Variants in FBXL17 observed in about 807,000 individuals in gnomAD.
The protein encoded by FBXL17 is F-box/LRR-repeat protein 17.
Under a neutral mutation model 66.2 loss-of-function variants are expected in FBXL17, and 22 were observed. That is an observed-to-expected ratio of 0.33 (90% CI 0.24 to 0.47). FBXL17 has a LOEUF of 0.47. FBXL17 is among the 20% of genes least tolerant of loss of function. The pLI is 1.00. For synonymous variants in FBXL17, 474 were observed against 400.5 expected, an observed-to-expected ratio of 1.18 and a Z score of -2.19; for missense variants, 878 against 948.2, an observed-to-expected ratio of 0.93 and a Z score of 0.97.
At chr5:107,874,838 T>C (rs1280343829) in intron 8 of FBXL17, among the ~76,000 whole-genome samples, 1 of 152,196 alleles carries the variant, frequency 6.6e-6, no homozygotes, top group Non-Finnish European at 1.5e-5. Context: ...AAAATGTGTT[T>C]TAAAGTGCTC....
At chr5:108,121,951 C>T (rs1052344348) in intron 6 of FBXL17, among the ~76,000 whole-genome samples, 1 of 152,090 alleles carries the variant, frequency 6.6e-6, no homozygotes, top group African/African-American at 2.4e-5. Flanking sequence ...AACATCTACT[C>T]CAACCCCAAA....
chr5:108,111,810 G>A (rs1750046844), intron 6 of FBXL17, among the ~76,000 whole-genome samples: 1 of 152,124 alleles, frequency 6.6e-6, no homozygotes. Context: ...TTTACAAATG[G>A]ATTGATTACT....
At chr5:108,262,597 G>A (rs1485726311) in intron 4 of FBXL17, among the ~76,000 whole-genome samples, 2 of 152,104 alleles carry the variant, frequency 1.3e-5, no homozygotes, top group South Asian at 4.1e-4. Context: ...ATAGCAAATA[G>A]GAAGAGTGTA....
At chr5:108,025,456 G>A (rs888275381) in intron 6 of FBXL17, among the ~76,000 whole-genome samples, 5 of 152,044 alleles carry the variant, frequency 3.3e-5, no homozygotes, top group Admixed American at 6.5e-5. Flanking sequence ...GAAGAGTGTC[G>A]TAAAGTAATT....
chr5:108,163,388 CT>C (rs35783752), intron 6 of FBXL17, among the ~76,000 whole-genome samples: 87 of 128,020 alleles, frequency 6.8e-4, no homozygotes, highest in East Asian at 5.6e-3. Context: ...GACATGAAAA[CT>C]TTTTTTTTTC....
chr5:107,877,123 C>A (rs1322036577), intron 8 of FBXL17, among the ~76,000 whole-genome samples: 2 of 152,220 alleles, frequency 1.3e-5, no homozygotes, highest in Admixed American at 6.5e-5. Flanking sequence ...GTGGCGTCAG[C>A]TCCAAAACCC....
At chr5:107,889,163 A>T (rs1749110475) in intron 7 of FBXL17, among the ~76,000 whole-genome samples, 1 of 152,174 alleles carries the variant, frequency 6.6e-6, no homozygotes, top group African/African-American at 2.4e-5. Context: ...CCCTTGTAAT[A>T]CTTAGTAGAT....
At chr5:108,205,939 T>C (rs576261835) in intron 5 of FBXL17, among the ~76,000 whole-genome samples, 1 of 152,214 alleles carries the variant, frequency 6.6e-6, no homozygotes, top group East Asian at 1.9e-4. Context: ...ACTATATAAA[T>C]GATGCTGTGT....
At chr5:108,298,399 T>G in intron 4 of FBXL17, 1 of 980,462 alleles carries the variant, frequency 1.0e-6, no homozygotes, top group South Asian at 4.7e-5. Context: ...TCAAAGAAGA[T>G]CAATAAATCA....
chr5:107,925,873 T>C (rs1750508489), intron 7 of FBXL17, among the ~76,000 whole-genome samples: 1 of 152,202 alleles, frequency 6.6e-6, no homozygotes, highest in South Asian at 2.1e-4. Flanking sequence ...AATATCTTAA[T>C]ATGCAAACAG....
At chr5:108,019,011 T>C (rs1236288359) in intron 7 of FBXL17, among the ~76,000 whole-genome samples, 1 of 152,120 alleles carries the variant, frequency 6.6e-6, no homozygotes, top group African/African-American at 2.4e-5. Flanking sequence ...GTAAACCATA[T>C]TGGTAAGGTT....
In FBXL17 at chr5:108,160,195, G is replaced by A. The variant is rs1752154571; in HGVS notation, c.1745+25922C>T. On this transcript the variant is annotated intron_variant, in intron 6 of 8. Transcript: ENST00000542267. ...ATGAAAAGACATACAGTTAATATAG[G>A]TTGCTTGCAATAATCTCTTCTCTGC... Among the ~76,000 whole-genome samples, 4 of 152,104 alleles carry A rather than the reference G, an allele frequency of 2.6e-5. No individual in the cohort carries two copies. In the South Asian group the frequency reaches 8.3e-4, roughly 32 times the overall value.
intron 7 of FBXL17, among the ~76,000 whole-genome samples, chr5:107,931,397 C>G (rs1750734270): frequency 6.6e-6 from 1 of 151,496 alleles, no homozygotes; most frequent in African/African-American, 2.4e-5. Context: ...GTAGCTGGAA[C>G]TACAGGTGTG....
chr5:107,876,584 G>C (rs1748620437), intron 8 of FBXL17, among the ~76,000 whole-genome samples: 1 of 152,152 alleles, frequency 6.6e-6, no homozygotes, highest in African/African-American at 2.4e-5. Context: ...CCTGCCTCCA[G>C]TGAGGGCTGT....
chr5:108,299,678 C>T, intron 4 of FBXL17: 2 of 984,000 alleles, frequency 2.0e-6, no homozygotes, highest in Middle Eastern at 5.2e-4. Flanking sequence ...GCCAGCCTGC[C>T]CCTGTTCATG....
At chr5:108,178,023 G>A (rs1451147080) in intron 6 of FBXL17, among the ~76,000 whole-genome samples, 1 of 150,722 alleles carries the variant, frequency 6.6e-6, no homozygotes. Context: ...AAAAGGCATG[G>A]TTTCGTATCT....
chr5:108,077,099 T>C (rs1182859391), intron 6 of FBXL17, among the ~76,000 whole-genome samples: 1 of 152,154 alleles, frequency 6.6e-6, no homozygotes, highest in Non-Finnish European at 1.5e-5. Context: ...ACCCAATTCA[T>C]ACAGGTATTG....
chr5:108,348,260 T>C, intron 4 of FBXL17, 139 bp downstream of exon 4: 1 of 662,744 alleles, frequency 1.5e-6, no homozygotes, highest in Non-Finnish European at 2.4e-6. Context: ...AAATCATCAC[T>C]TTAAAAGGAT....
intron 6 of FBXL17, among the ~76,000 whole-genome samples, chr5:108,037,668 C>G (rs1476101989): frequency 6.6e-6 from 1 of 152,126 alleles, no homozygotes; most frequent in Non-Finnish European, 1.5e-5. Flanking sequence ...CAGACCTCAG[C>G]AAGTTAGTGT....
Sources: gnomAD v4.1 joint callset for allele counts (sites outside exome capture counted in the v4.1 genomes callset) on GRCh38, gnomAD v4.1.1 for gene constraint, MANE v1.5 for transcripts, NCBI Gene and HGNC (gene_info 2026-07-23, HGNC 2026-07-21) for gene names.